Variants in ITGBL1 observed in about 807,000 individuals in gnomAD.
The protein encoded by ITGBL1 is integrin beta-like protein 1.
ITGBL1 carries 51 observed loss-of-function variants against 68.5 expected under a neutral mutation model. The ratio of observed to expected loss-of-function variants is 0.74; its 90% confidence interval spans 0.59 to 0.94. The LOEUF (loss-of-function observed/expected upper bound fraction) is 0.94, where lower values mean the gene tolerates loss of function less well. Ranked by LOEUF, ITGBL1 falls within the 40% of genes least tolerant of loss-of-function variation. The pLI is 0.00. For missense variants in ITGBL1, 649 were observed against 647.4 expected (o/e 1.00, Z -0.03); for synonymous variants, 209 against 227.3 (o/e 0.92, Z 0.72).
At chr13:101,463,464 TC>T (rs1566685396) in intron 2 of ITGBL1, among the ~76,000 whole-genome samples, 1 of 152,162 alleles carries the variant, frequency 6.6e-6, no homozygotes. Flanking sequence ...GTCCCTGAAA[TC>T]TGTACCCTGA....
At chr13:101,605,653 T>A (rs1420862371) in intron 7 of ITGBL1, among the ~76,000 whole-genome samples, 1 of 151,728 alleles carries the variant, frequency 6.6e-6, no homozygotes, top group East Asian at 1.9e-4. Context: ...TGTATGCGTA[T>A]GCACGTATGT....
At chr13:101,503,490 A>T (rs775690625) in intron 2 of ITGBL1, among the ~76,000 whole-genome samples, 6 of 152,162 alleles carry the variant, frequency 3.9e-5, no homozygotes, top group Non-Finnish European at 8.8e-5. Context: ...GGATCAAGAA[A>T]GGGCCCCCAG....
chr13:101,719,647 C>A (rs1242743187), downstream of ITGBL1: 1 of 151,988 alleles, frequency 6.6e-6, no homozygotes, highest in East Asian at 1.9e-4. Context: ...ACTGGCAAAG[C>A]AATCAGCTAC....
intron 7 of ITGBL1, among the ~76,000 whole-genome samples, chr13:101,639,196 G>A (rs978925180): frequency 6.6e-6 from 1 of 151,988 alleles, no homozygotes; most frequent in African/African-American, 2.4e-5. Context: ...CAGAGTATTC[G>A]CTTTAAATAT....
chr13:101,613,802 G>A (rs1384235790), intron 7 of ITGBL1, among the ~76,000 whole-genome samples: 1 of 152,042 alleles, frequency 6.6e-6, no homozygotes, highest in Non-Finnish European at 1.5e-5. Flanking sequence ...TGGCCTGGGC[G>A]TCCGGGATTT....
chr13:101,639,510 AATATAT>A (rs1474498674), intron 7 of ITGBL1, among the ~76,000 whole-genome samples: 3 of 152,200 alleles, frequency 2.0e-5, no homozygotes, highest in African/African-American at 4.8e-5. Flanking sequence ...AATTCCTTCA[AATATAT>A]ATAAGAAGAA....
intron 7 of ITGBL1, among the ~76,000 whole-genome samples, chr13:101,628,380 T>C (rs1465688523): frequency 1.3e-5 from 2 of 152,072 alleles, no homozygotes; most frequent in African/African-American, 4.8e-5. Context: ...ATTTTCTCCT[T>C]GTCTATGACT....
At chr13:101,458,050 T>C (rs376484763) in intron 2 of ITGBL1, among the ~76,000 whole-genome samples, 4 of 152,348 alleles carry the variant, frequency 2.6e-5, no homozygotes, top group Non-Finnish European at 4.4e-5. Context: ...GCAACACTTA[T>C]GAAGCACTGC....
intron 2 of ITGBL1, among the ~76,000 whole-genome samples, chr13:101,475,177 A>C (rs1026060697): frequency 1.3e-5 from 2 of 152,178 alleles, no homozygotes; most frequent in East Asian, 3.9e-4. Flanking sequence ...GGGGAAGATC[A>C]GTGAAATTCA....
intron 7 of ITGBL1, among the ~76,000 whole-genome samples, chr13:101,612,963 C>G (rs1404549497): frequency 6.6e-6 from 1 of 152,120 alleles, no homozygotes; most frequent in Non-Finnish European, 1.5e-5. Context: ...GGCGTGTGCT[C>G]TGAGGGGGCA....
At chr13:101,504,589 T>C (rs768305781) in intron 2 of ITGBL1, among the ~76,000 whole-genome samples, 2 of 152,238 alleles carry the variant, frequency 1.3e-5, no homozygotes, top group Non-Finnish European at 2.9e-5. Flanking sequence ...TTTTAGTAAG[T>C]TAATTTTAGG....
At chr13:101,588,627 G>A (rs1287506610) in intron 6 of ITGBL1, among the ~76,000 whole-genome samples, 1 of 151,324 alleles carries the variant, frequency 6.6e-6, no homozygotes, top group African/African-American at 2.4e-5. Flanking sequence ...AAAGATAGTG[G>A]CACATCAGAT....
chr13:101,660,356 G>A (rs2033051290), intron 7 of ITGBL1, among the ~76,000 whole-genome samples: 1 of 152,032 alleles, frequency 6.6e-6, no homozygotes, highest in African/African-American at 2.4e-5. Context: ...CCAGTTCCTG[G>A]GTGGGAGCCA....
At chr13:101,564,361 G>A (rs976261607) in intron 2 of ITGBL1, among the ~76,000 whole-genome samples, 1 of 151,714 alleles carries the variant, frequency 6.6e-6, no homozygotes, top group South Asian at 2.1e-4. Flanking sequence ...TTGATAAATT[G>A]GATTTAATTA....
chr13:101,676,338 A>T (rs2033503038), intron 7 of ITGBL1, among the ~76,000 whole-genome samples: 2 of 152,138 alleles, frequency 1.3e-5, no homozygotes, highest in Non-Finnish European at 1.5e-5. Flanking sequence ...ATAGATATAG[A>T]TATAAATATA....
rs1360154870 is a variant in ITGBL1 at position 101,671,451 on chromosome 13, T to TTTTTTTG, written c.1016-21129_1016-21128insTGTTTTT. ...GTTTTTTTTTTGTTTTTTTTTGTTT[T>TTTTTTTG]TTTTTGAGACGGAGTCTCGCTCTGT... On this transcript the variant is annotated intron_variant, in intron 7 of 10. Transcript: ENST00000376180. 3.4e-4 allele frequency among the ~76,000 whole-genome samples: 45 copies of TTTTTTTG among 131,994 alleles called. 1 individual carries two copies. The highest frequency in any genetic ancestry group is 1.2e-3 in the African/African-American group (44 of 37,908). The allele number at this position is 131,994 out of a possible 152,430, so 86.6% of individuals were successfully genotyped here.
At chr13:101,613,262 A>G (rs993755090) in intron 7 of ITGBL1, among the ~76,000 whole-genome samples, 1 of 152,164 alleles carries the variant, frequency 6.6e-6, no homozygotes, top group African/African-American at 2.4e-5. Flanking sequence ...CCTCCAGGGC[A>G]TACGATTTAA....
chr13:101,536,814 C>A (rs991836929), intron 2 of ITGBL1, among the ~76,000 whole-genome samples: 1 of 151,924 alleles, frequency 6.6e-6, no homozygotes, highest in East Asian at 1.9e-4. Context: ...AATTAATTTA[C>A]TATAATCTCA....
intron 2 of ITGBL1, among the ~76,000 whole-genome samples, chr13:101,478,429 C>T (rs1051722839): frequency 3.3e-5 from 5 of 151,984 alleles, no homozygotes; most frequent in Admixed American, 2.0e-4. Flanking sequence ...GAACACGATA[C>T]GGATGCCCAC....
Sources: allele counts gnomAD v4.1 joint callset (sites outside exome capture counted in the v4.1 genomes callset), GRCh38; gene constraint gnomAD v4.1.1; transcripts MANE v1.5; gene names NCBI Gene and HGNC (gene_info 2026-07-23, HGNC 2026-07-21).